LRP10: variants seen among roughly 807,000 people sequenced by gnomAD.
LRP10 encodes the protein LDL receptor related protein 10.
In LRP10, 42 loss-of-function variants were observed where a neutral mutation model predicts 58.5. The ratio of observed to expected loss-of-function variants is 0.72; its 90% confidence interval spans 0.56 to 0.93. LRP10 has a LOEUF of 0.93. LRP10 is among the 40% of genes least tolerant of loss of function. The pLI, the probability that LRP10 is intolerant of heterozygous loss-of-function variation, is 0.00. For synonymous variants in LRP10, 377 were observed against 388.5 expected, an observed-to-expected ratio of 0.97 and a Z score of 0.35; for missense variants, 872 against 940.1, an observed-to-expected ratio of 0.93 and a Z score of 0.95.
chr14:22,873,345 G>T lies in LRP10; in HGVS notation c.114G>T (p.Val38=). The change falls in exon 3 of 7, where the codon GTG becomes GTT. Residue 38 remains valine, a synonymous_variant. Transcript: ENST00000359591. The part of the protein sequence containing the change: ...CEDPPAVLLE[V]QGTLQRPLVR... ...ACCCCCCAGCAGTGCTCTTAGAAGT[G>T]CAGGGCACCTTACAGAGGCCCCTGG... The T allele has an allele frequency of 1.2e-6, 2 of 1,614,108 alleles. No individual in the cohort carries two copies. The highest frequency in any genetic ancestry group is 1.7e-6 in the Non-Finnish European group (2 of 1,180,008).
At chr14:22,874,964 C>A in intron 3 of LRP10, 91 bp from the exon 4 acceptor site, 1 of 894,800 alleles carries the variant, frequency 1.1e-6, no homozygotes, top group Non-Finnish European at 1.6e-6. Flanking sequence ...TTTATGCTTC[C>A]TGGGACACAA....
In LRP10 at chr14:22,878,499, A is replaced by G. The variant is rs1386091145; in HGVS notation, c.*972A>G. On this transcript the variant is annotated 3_prime_UTR_variant, in exon 7 of 7. Transcript: ENST00000359591. Reference sequence around the variant, plus strand: ...CTCCTACCCTCCACCCTCCACACCCACCAGGCATTTAGCAGTCTGTCCTAT... The same window carrying G: ...CTCCTACCCTCCACCCTCCACACCCGCCAGGCATTTAGCAGTCTGTCCTAT... The G allele has an allele frequency of 2.0e-5, 3 of 152,114 alleles. No individual in the cohort carries two copies. Among genetic ancestry groups the G allele is most frequent in the South Asian group, 4.1e-4 (2 of 4,830 alleles). 9.4% of individuals were successfully genotyped at this position (152,114 alleles called of 1,614,324 possible). A position where few individuals can be genotyped will look rare whatever the true frequency, so the allele number is the denominator to read the frequency against.
rs1353034297 is a variant in LRP10, at chr14:22,879,961, A to G, written c.*2434A>G. 1 of 152,180 alleles carries G rather than the reference A, an allele frequency of 6.6e-6. No individual in the cohort carries two copies. Among genetic ancestry groups the G allele is most frequent in the East Asian group, 1.9e-4 (1 of 5,198 alleles). 9.4% of individuals were successfully genotyped at this position (152,180 alleles called of 1,614,324 possible). A position where few individuals can be genotyped will look rare whatever the true frequency, so the allele number is the denominator to read the frequency against. ...TCCATCAAGATAGATACCAATATCCAAGGTGCTTGGTCTTAGCGGTGTGGG... is the reference window on the plus strand; with the variant it reads ...TCCATCAAGATAGATACCAATATCCGAGGTGCTTGGTCTTAGCGGTGTGGG... On this transcript the variant is annotated 3_prime_UTR_variant, in exon 7 of 7. Transcript: ENST00000359591.
rs755580973 is a variant in LRP10, at chr14:22,875,783, C to G, written c.835C>G (p.Leu279Val). The G allele has an allele frequency of 6.2e-7, 1 of 1,614,190 alleles. No homozygotes were observed. The highest frequency in any genetic ancestry group is 1.7e-5 in the Admixed American group (1 of 60,036). Residue 279 changes from leucine to valine, a missense_variant, in exon 5 of 7, where the codon CTG becomes GTG. Transcript: ENST00000359591. ...TGGCAAGGCTGTCACTGTGGAGACA[C>G]TGTCTGGCCAGGCTGTTGTGTCCTA... Reference protein sequence around the residue: ...SNGKAVTVETLSGQAVVSYHT... With the variant: ...SNGKAVTVETVSGQAVVSYHT...
At chr14:22,876,475 C>T in intron 5 of LRP10, 103 bp downstream of exon 5, 1 of 1,429,692 alleles carries the variant, frequency 7.0e-7, no homozygotes, top group Admixed American at 1.8e-5. Flanking sequence ...GGGAGAGGCT[C>T]CCATGATCAG....
intron 2 of LRP10, 199 bp from the exon 3 acceptor site, chr14:22,873,112 C>T: frequency 3.1e-6 from 2 of 639,540 alleles, no homozygotes; most frequent in South Asian, 4.1e-5. Context: ...TTAGTATTTA[C>T]TGGTGAAGCT....
chr14:22,872,359 AC>A, intron 1 of LRP10, 22 bp downstream of exon 1: 1 of 1,608,438 alleles, frequency 6.2e-7, no homozygotes, highest in South Asian at 1.1e-5. Context: ...AACGATACCA[AC>A]CCCCAGCCTT....
At position 22,881,273 on chromosome 14, in the gene LRP10, G is replaced by C. The variant is rs1446836504; in HGVS notation, c.*3746G>C. ...ATACGGGCAAGTGCACAACCCGGGAGGTTGAGGTTACAGTGAGCCATGATC... is the reference window on the plus strand; with the variant it reads ...ATACGGGCAAGTGCACAACCCGGGACGTTGAGGTTACAGTGAGCCATGATC... On this transcript the variant is annotated 3_prime_UTR_variant, in exon 7 of 7. Transcript: ENST00000359591. 1 of 152,224 alleles carries C rather than the reference G, an allele frequency of 6.6e-6. No individual in the cohort carries two copies. Among genetic ancestry groups the C allele is most frequent in the Non-Finnish European group, 1.5e-5 (1 of 68,052 alleles). The allele number at this position is 152,224 out of a possible 1,614,324, so 9.4% of individuals were successfully genotyped here.
chr14:22,872,396 T>TCCCTCCAGTGC (rs1055777217), intron 1 of LRP10, 59 bp downstream of exon 1: 2 of 1,598,230 alleles, frequency 1.3e-6, no homozygotes, highest in Non-Finnish European at 1.7e-6. Flanking sequence ...CAGCTCTAAC[T>TCCCTCCAGTGC]CCCTCCAGTG....
rs1346118344 is a variant in LRP10, at chr14:22,878,340, C to T, written c.*813C>T. On this transcript the variant is annotated 3_prime_UTR_variant, in exon 7 of 7. Transcript: ENST00000359591. ...GCTCTGCAATGACTGACTCCAGGGC[C>T]TCTTTCCTCACTGCCAGCATAGAAG... 6.6e-6 allele frequency: 1 copy of T among 152,228 alleles called. No individual in the cohort carries two copies. Among genetic ancestry groups the T allele is most frequent in the Non-Finnish European group, 1.5e-5 (1 of 68,072 alleles). The allele number at this position is 152,228 out of a possible 1,614,324, so 9.4% of individuals were successfully genotyped here.
chr14:22,875,966 G>T lies in LRP10; in HGVS notation c.1018G>T (p.Gly340Cys). 2 of 1,613,510 alleles carry T rather than the reference G, an allele frequency of 1.2e-6. No homozygotes were observed. Among genetic ancestry groups the T allele is most frequent in the Non-Finnish European group, 1.7e-6 (2 of 1,180,028 alleles). The stretch of plus-strand genomic sequence containing the variant: ...CTACAGTGAGGCACAGCGCTGTGAC[G>T]GCTCATGGGACTGTGCTGACGGCAC... Reference protein sequence around the residue: ...RCYSEAQRCDGSWDCADGTDE... With the variant: ...RCYSEAQRCDCSWDCADGTDE... The change falls in exon 5 of 7, where the codon GGC (glycine) becomes TGC (cysteine). Residue 340 changes from glycine (G) to cysteine (C), a missense_variant. Physicochemically the swap from Gly to Cys is radical, Grantham distance 159. Transcript: ENST00000359591.
Position 22,877,243 on chromosome 14 carries a change from G to C in LRP10, c.1858G>C (p.Ala620Pro), listed in dbSNP as rs1210793280. ...GEQAPPLPIK[A>P]PLPSASTSPA... ...GCAGGCACCCCCACTGCCCATCAAG[G>C]CTCCCCTCCCATCTGCTAGCACGTC... The change falls in exon 7 of 7, where the codon GCT becomes CCT. Residue 620 changes from alanine (A) to proline (P), a missense_variant. Ala to Pro is a conservative substitution (Grantham distance 27). Coordinates refer to ENST00000359591, the MANE Select transcript of LRP10 (RefSeq NM_014045.5). The surrounding 1 kb of genome is among the most constrained non-coding windows in gnomAD (Gnocchi z 5.1). The C allele has an allele frequency of 6.2e-7, 1 of 1,607,218 alleles. No individual in the cohort carries two copies. The highest frequency in any genetic ancestry group is 1.1e-5 in the South Asian group (1 of 90,034).
Position 22,871,997 on chromosome 14 carries a change from G to A in LRP10, c.-307G>A, listed in dbSNP as rs1156478379. ...CAGGGGCGCTCGCTGCCTGCGGGCG[G>A]GCTGTAGGCGAGGGCGCGCCCCAGT... On this transcript the variant is annotated 5_prime_UTR_variant, in exon 1 of 7. Coordinates refer to ENST00000359591, the MANE Select transcript of LRP10 (RefSeq NM_014045.5). The A allele has an allele frequency of 1.9e-6, 1 of 528,230 alleles. No individual in the cohort carries two copies. Among genetic ancestry groups the A allele is most frequent in the African/African-American group, 2.0e-5 (1 of 48,848 alleles). 32.7% of individuals were successfully genotyped at this position (528,230 alleles called of 1,614,324 possible). A position where few individuals can be genotyped will look rare whatever the true frequency, so the allele number is the denominator to read the frequency against.
chr14:22,876,538 A>G, intron 5 of LRP10, 151 bp from the exon 6 acceptor site: 1 of 1,311,588 alleles, frequency 7.6e-7, no homozygotes, highest in South Asian at 1.4e-5. Flanking sequence ...AGCAGTTTCA[A>G]GGGAGGAGGG....
In LRP10 at chr14:22,878,947, G is replaced by C. The variant is rs534628596; in HGVS notation, c.*1420G>C. Reference sequence around the variant, plus strand: ...GGCAGAAGATGTAGAAGGAAGCTGTGGGGGTGGGAGTGATGCCTCAGGAAC... The same window carrying C: ...GGCAGAAGATGTAGAAGGAAGCTGTCGGGGTGGGAGTGATGCCTCAGGAAC... On this transcript the variant is annotated 3_prime_UTR_variant, in exon 7 of 7. Coordinates refer to ENST00000359591, the MANE Select transcript of LRP10 (RefSeq NM_014045.5). 3.5e-6 allele frequency: 1 copy of C among 286,464 alleles called. No homozygotes were observed. The highest frequency in any genetic ancestry group is 3.9e-5 in the Admixed American group (1 of 25,736). The allele number at this position is 286,464 out of a possible 1,614,324, so 17.7% of individuals were successfully genotyped here. A position where few individuals can be genotyped will look rare whatever the true frequency, so the allele number is the denominator to read the frequency against.
chr14:22,875,213 TG>T lies in LRP10; in HGVS notation c.377del (p.Gly126AlafsTer13). The T allele has an allele frequency of 1.9e-6, 3 of 1,607,930 alleles. No individual in the cohort carries two copies. Among genetic ancestry groups the T allele is most frequent in the Non-Finnish European group, 2.5e-6 (3 of 1,176,598 alleles). On this transcript the variant is annotated frameshift_variant, in exon 4 of 7. Coordinates refer to ENST00000359591, the MANE Select transcript of LRP10 (RefSeq NM_014045.5). LOFTEE classifies it high-confidence loss of function. ...AGCTATGCTGGGGCCAGAGCACCCATGGGCCAGGGCTTCCTGCTCTCCTACA... is the reference window on the plus strand; with the variant it reads ...AGCTATGCTGGGGCCAGAGCACCCATGGCCAGGGCTTCCTGCTCTCCTACA... Reference protein sequence around the residue: ...TYSYAGARAPMGQGFLLSYSQ... With the variant: ...TYSYAGARAPXGQGFLLSYSQ...
chr14:22,872,731 C>T lies in LRP10; in HGVS notation c.35-7C>T. 6.2e-7 allele frequency: 1 copy of T among 1,614,022 alleles called. No individual in the cohort carries two copies. Among genetic ancestry groups the T allele is most frequent in the African/African-American group, 1.3e-5 (1 of 75,056 alleles). On this transcript the variant is annotated splice_polypyrimidine_tract_variant and splice_region_variant and intron_variant, in intron 1 of 6. Coordinates refer to ENST00000359591, the MANE Select transcript of LRP10 (RefSeq NM_014045.5). ...CACGCTCCTGCCCTTTCTCGTTCCT[C>T]CTCTAGGAGGCGCTCTGGCCCATCC...
rs1236489684 is a variant in LRP10, at chr14:22,881,439, T to G, written c.*3912T>G. 6.6e-6 allele frequency: 1 copy of G among 152,254 alleles called. No homozygotes were observed. Among genetic ancestry groups the G allele is most frequent in the East Asian group, 1.9e-4 (1 of 5,206 alleles). The allele number at this position is 152,254 out of a possible 1,614,324, so 9.4% of individuals were successfully genotyped here. A position where few individuals can be genotyped will look rare whatever the true frequency, so the allele number is the denominator to read the frequency against. The stretch of plus-strand genomic sequence containing the variant: ...GCAATATAATAATTTTCTGCATAAC[T>G]GAGGATCATTCACAGAAACCAATGG... On this transcript the variant is annotated 3_prime_UTR_variant, in exon 7 of 7. Transcript: ENST00000359591.
intron 3 of LRP10, 149 bp from the exon 4 acceptor site, chr14:22,874,906 G>A: frequency 8.5e-6 from 4 of 469,320 alleles, no homozygotes; most frequent in Non-Finnish European, 1.5e-5. Flanking sequence ...TAAATAAATA[G>A]GCTAACTGAG....
Sources: allele counts gnomAD v4.1 joint callset, GRCh38; gene constraint gnomAD v4.1.1; non-coding constraint Gnocchi (gnomAD v3.1); transcripts MANE v1.5; gene names NCBI Gene and HGNC (gene_info 2026-07-23, HGNC 2026-07-21).